Variants in RBFOX1 observed in about 807,000 individuals in gnomAD.
The protein encoded by RBFOX1 is RNA binding fox-1 homolog 1.
RBFOX1 carries 8 observed loss-of-function variants against 57.7 expected under a neutral mutation model. That is an observed-to-expected ratio of 0.14 (90% CI 0.08 to 0.25). The LOEUF is 0.25. Ranked by LOEUF, RBFOX1 falls within the 10% of genes least tolerant of loss-of-function variation. The pLI is 1.00. For synonymous variants in RBFOX1, 326 were observed against 222.4 expected, an observed-to-expected ratio of 1.47 and a Z score of -4.15; for missense variants, 611 against 548.5, an observed-to-expected ratio of 1.11 and a Z score of -1.14.
chr16:7,534,194 C>G (rs895598676), intron 5 of RBFOX1, among the ~76,000 whole-genome samples: 1 of 149,630 alleles, frequency 6.7e-6, no homozygotes, highest in Non-Finnish European at 1.5e-5. Context: ...TCAGGCGATT[C>G]TCCTGCCTCA....
intron 1 of RBFOX1, among the ~76,000 whole-genome samples, chr16:6,107,278 G>T (rs2096392694): frequency 1.3e-5 from 2 of 152,044 alleles, no homozygotes; most frequent in Non-Finnish European, 2.9e-5. Context: ...GCTAGGAAAG[G>T]CTTGGAGTCT....
intron 3 of RBFOX1, among the ~76,000 whole-genome samples, chr16:6,859,187 A>ATACGTATACATATACG (rs2058556499): frequency 1.6e-5 from 1 of 64,010 alleles, no homozygotes; most frequent in African/African-American, 7.6e-5. Context: ...ATATATATGT[A>ATACGTATACATATACG]TATATATATG....
intron 1 of RBFOX1, among the ~76,000 whole-genome samples, chr16:6,027,540 C>A (rs1198060668): frequency 6.6e-6 from 1 of 152,156 alleles, no homozygotes; most frequent in East Asian, 1.9e-4. Flanking sequence ...TCCATCCCTA[C>A]AAATGGAGAT....
chr16:6,395,764 A>C (rs2092803466), intron 2 of RBFOX1, among the ~76,000 whole-genome samples: 1 of 152,164 alleles, frequency 6.6e-6, no homozygotes, highest in Non-Finnish European at 1.5e-5. Context: ...ATTTCAATAA[A>C]GCTGTTTTTT....
In RBFOX1 at chr16:7,177,291, A is replaced by G. The variant is rs553003962; in HGVS notation, c.27+125193A>G. On this transcript the variant is annotated intron_variant, in intron 4 of 15. Transcript: ENST00000550418. The stretch of plus-strand genomic sequence containing the variant: ...GACCAAGTTCAAAAGTGTCAGTTCT[A>G]CAAGCAAACAAACAAAAAGCCCTGA... Among the ~76,000 whole-genome samples, 78 of 152,286 alleles carry G rather than the reference A, an allele frequency of 5.1e-4. 1 individual carries two copies. Among genetic ancestry groups the G allele is most frequent in the Admixed American group, 2.3e-3 (35 of 15,302 alleles).
At chr16:7,253,182 G>C (rs986176225) in intron 4 of RBFOX1, among the ~76,000 whole-genome samples, 3 of 152,120 alleles carry the variant, frequency 2.0e-5, no homozygotes, top group African/African-American at 4.8e-5. Context: ...TTGTTTCTTT[G>C]GAAGAAGCAG....
chr16:5,491,681 G>GA (rs1364838327), intron 2 of RBFOX1, among the ~76,000 whole-genome samples: 1 of 152,214 alleles, frequency 6.6e-6, no homozygotes, highest in Non-Finnish European at 1.5e-5. Flanking sequence ...CAGCAGCCAT[G>GA]AGCTAGACTT....
rs147690210 is a variant in RBFOX1, at chr16:6,566,753, T to A, written c.-63-87850T>A. Among the ~76,000 whole-genome samples the A allele has an allele frequency of 4.6e-3, 700 of 152,354 alleles. 7 individuals carry two copies. The highest frequency in any genetic ancestry group is 0.028 in the South Asian group (136 of 4,828). ...TCTCATCTATATGAGAAACAGGATC[T>A]GTGTTTGACAAGCATGCTTACCCTT... On this transcript the variant is annotated intron_variant, in intron 2 of 15. Transcript: ENST00000550418.
chr16:6,924,603 C>T (rs750311906), intron 3 of RBFOX1, among the ~76,000 whole-genome samples: 13 of 152,032 alleles, frequency 8.6e-5, no homozygotes, highest in African/African-American at 1.9e-4. Flanking sequence ...ATTTCTTCAC[C>T]TGCAAAATAA....
At chr16:7,517,894 G>A (rs1387554958) in intron 4 of RBFOX1, among the ~76,000 whole-genome samples, 2 of 151,510 alleles carry the variant, frequency 1.3e-5, no homozygotes, top group African/African-American at 4.8e-5. Flanking sequence ...TGGGTGGCTT[G>A]GAAAAAGCGA....
chr16:5,278,135 ATAT>A (rs1474913986), intron 1 of RBFOX1, among the ~76,000 whole-genome samples: 1 of 152,162 alleles, frequency 6.6e-6, no homozygotes, highest in African/African-American at 2.4e-5. Flanking sequence ...ATATACAATA[ATAT>A]TCTTTTGTTC....
intron 3 of RBFOX1, among the ~76,000 whole-genome samples, chr16:6,662,294 A>T (rs1603232416): frequency 6.6e-6 from 1 of 152,320 alleles, no homozygotes; most frequent in East Asian, 1.9e-4. Flanking sequence ...TCACACACAC[A>T]CAAGTCTGTG....
chr16:7,655,587 T>G (rs958766515), intron 12 of RBFOX1, among the ~76,000 whole-genome samples: 2 of 151,990 alleles, frequency 1.3e-5, no homozygotes, highest in Non-Finnish European at 2.9e-5. Context: ...AAATAAAGAT[T>G]TGTTATTCCC....
intron 4 of RBFOX1, among the ~76,000 whole-genome samples, chr16:7,195,373 G>T (rs1401056377): frequency 1.3e-5 from 2 of 152,100 alleles, no homozygotes; most frequent in African/African-American, 4.8e-5. Context: ...GTGCAAATTT[G>T]TCCACTGTAA....
chr16:7,660,269 A>G (rs1241283565), intron 12 of RBFOX1, among the ~76,000 whole-genome samples: 1 of 152,200 alleles, frequency 6.6e-6, no homozygotes, highest in Non-Finnish European at 1.5e-5. Context: ...ATGTCCTTGC[A>G]AAAGCACATT....
At chr16:6,317,515 A>G (rs2081258318) in intron 2 of RBFOX1, among the ~76,000 whole-genome samples, 1 of 151,112 alleles carries the variant, frequency 6.6e-6, no homozygotes, top group South Asian at 2.1e-4. Context: ...TTGAGCTGGA[A>G]TACATGACTA....
chr16:6,232,206 T>C (rs2097467441), intron 1 of RBFOX1, among the ~76,000 whole-genome samples: 2 of 152,136 alleles, frequency 1.3e-5, no homozygotes, highest in Non-Finnish European at 2.9e-5. Flanking sequence ...GTGGTTTGCT[T>C]CCTGAGGAGA....
In RBFOX1 at chr16:7,710,739, A is replaced by ATACTAAATG. The variant is rs748182650; in HGVS notation, c.1189_*3dup. The ATACTAAATG allele has an allele frequency of 1.3e-6, 2 of 1,581,152 alleles. No homozygotes were observed. Among genetic ancestry groups the ATACTAAATG allele is most frequent in the Non-Finnish European group, 1.7e-6 (2 of 1,167,988 alleles). ...GAGGGGGATACAACCGTTTTGCTCC[A>ATACTAAATG]TACTAAATGACAAAACCATAAAAAC... On this transcript the variant is annotated stop_gained and inframe_insertion, in exon 16 of 16. Coordinates refer to ENST00000550418, the MANE Select transcript of RBFOX1 (RefSeq NM_018723.4). LOFTEE classifies it high-confidence loss of function.
chr16:6,988,741 T>G (rs1217434317), intron 3 of RBFOX1, among the ~76,000 whole-genome samples: 2 of 50,972 alleles, frequency 3.9e-5, no homozygotes, highest in Non-Finnish European at 8.2e-5. Context: ...ATTTTTTTTT[T>G]TGTTTGTTTG....
Sources: gnomAD v4.1 joint callset for allele counts (sites outside exome capture counted in the v4.1 genomes callset) on GRCh38, gnomAD v4.1.1 for gene constraint, MANE v1.5 for transcripts, NCBI Gene and HGNC (gene_info 2026-07-23, HGNC 2026-07-21) for gene names.